Variants in IREB2 observed in about 807,000 individuals in gnomAD.
IREB2 encodes the protein iron-responsive element-binding protein 2.
IREB2 carries 39 observed loss-of-function variants against 118.8 expected under a neutral mutation model. The observed-to-expected ratio is 0.33, with a 90% confidence interval of 0.25 to 0.43. IREB2 has a LOEUF of 0.43. IREB2 is among the 20% of genes least tolerant of loss of function. IREB2 has a pLI of 1.00. For synonymous variants in IREB2, 372 were observed against 392.2 expected (o/e 0.95, Z 0.61); for missense variants, 900 against 1,147.3 (o/e 0.78, Z 3.11).
chr15:78,490,755 A>C lies in IREB2; in HGVS notation c.2318A>C (p.Asn773Thr). The C allele has an allele frequency of 6.2e-7, 1 of 1,614,050 alleles. No individual in the cohort carries two copies. The highest frequency in any genetic ancestry group is 8.5e-7 in the Non-Finnish European group (1 of 1,179,970). ...AGTGCTGCCGCTAAGTATTTGACAA[A>C]CAGAGGGTATGTGTACATGGCTTTA... Reference protein sequence around the residue: ...RNSAAAKYLTNRGLTPREFNS... With the variant: ...RNSAAAKYLTTRGLTPREFNS... Residue 773 changes from asparagine to threonine, a missense_variant, in exon 18 of 22, where the codon AAC becomes ACC. Transcript: ENST00000258886.
intron 3 of IREB2, among the ~76,000 whole-genome samples, chr15:78,463,887 T>C (rs2051238731): frequency 6.6e-6 from 1 of 152,184 alleles, no homozygotes; most frequent in Admixed American, 6.5e-5. Flanking sequence ...CTCACCTATT[T>C]CTTTCTAAGT....
intron 4 of IREB2, 150 bp from the exon 5 acceptor site, chr15:78,466,121 T>G (rs188962405): frequency 2.0e-6 from 1 of 498,288 alleles, no homozygotes; most frequent in East Asian, 3.1e-5. Flanking sequence ...AATCTGAGAT[T>G]TGCCTTTGAA....
At chr15:78,465,437 GA>G in intron 4 of IREB2, 49 bp downstream of exon 4, 1 of 1,517,008 alleles carries the variant, frequency 6.6e-7, no homozygotes, top group Non-Finnish European at 9.0e-7. Context: ...TAATTGGCTG[GA>G]AATGTGTCAT....
chr15:78,448,999 T>C (rs1343192693), intron 2 of IREB2, among the ~76,000 whole-genome samples: 1 of 152,236 alleles, frequency 6.6e-6, no homozygotes, highest in Non-Finnish European at 1.5e-5. Flanking sequence ...TTTACTTCAG[T>C]GTGCTGCTTC....
At chr15:78,466,629 C>A in intron 5 of IREB2, 140 bp downstream of exon 5, 1 of 621,002 alleles carries the variant, frequency 1.6e-6, no homozygotes. Flanking sequence ...TATGTATTTC[C>A]TGTTATACTA....
intron 20 of IREB2, among the ~76,000 whole-genome samples, chr15:78,495,509 G>A (rs372696896): frequency 4.7e-4 from 71 of 152,176 alleles, no homozygotes; most frequent in Non-Finnish European, 2.9e-4. Context: ...TTCATTAAGC[G>A]ATTCTATATG....
At chr15:78,482,658 A>G (rs1369151046) in intron 10 of IREB2, among the ~76,000 whole-genome samples, 1 of 152,160 alleles carries the variant, frequency 6.6e-6, no homozygotes, top group East Asian at 1.9e-4. Context: ...CTCAGAGGCA[A>G]TAAGTTGATA....
intron 20 of IREB2, among the ~76,000 whole-genome samples, chr15:78,495,749 G>T (rs1233376173): frequency 2.0e-5 from 3 of 152,060 alleles, no homozygotes; most frequent in African/African-American, 7.2e-5. Flanking sequence ...TCCTCAGGTG[G>T]TAAAAAAAAT....
At chr15:78,466,201 GTTT>G (rs955860886) in intron 4 of IREB2, 67 bp from the exon 5 acceptor site, 4 of 992,524 alleles carry the variant, frequency 4.0e-6, no homozygotes, top group Non-Finnish European at 6.0e-6. Context: ...GCTAATGTGC[GTTT>G]TTTTTTAAGA....
intron 2 of IREB2, among the ~76,000 whole-genome samples, 159 bp from the exon 3 acceptor site, chr15:78,462,763 C>T (rs1304509243): frequency 6.6e-6 from 1 of 151,952 alleles, no homozygotes. Flanking sequence ...GATGTTAACA[C>T]GAATGGTGTT....
chr15:78,450,715 C>CG (rs1235907926), intron 2 of IREB2, among the ~76,000 whole-genome samples: 1 of 152,096 alleles, frequency 6.6e-6, no homozygotes, highest in Non-Finnish European at 1.5e-5. Context: ...GCCTTCTTTA[C>CG]GGGGGTGCCT....
chr15:78,471,684 T>A, intron 6 of IREB2, 57 bp from the exon 7 acceptor site: 1 of 1,102,332 alleles, frequency 9.1e-7, no homozygotes, highest in Non-Finnish European at 1.3e-6. Flanking sequence ...ACACCTTGAT[T>A]GTGAGCACAA....
chr15:78,465,384 A>G lies in IREB2; in HGVS notation c.406A>G (p.Lys136Glu). ...VDHSLQIDFS[K>E]CAIQNAPNPG... The stretch of plus-strand genomic sequence containing the variant: ...CCATTCTTTACAAATTGACTTCAGT[A>G]AATGGTACTTCAATGCAGATATTTA... The change falls in exon 4 of 22, where the codon AAA becomes GAA. Residue 136 changes from lysine (K) to glutamate (E), a missense_variant. Physicochemically the swap from Lys to Glu is moderately conservative, Grantham distance 56. Transcript: ENST00000258886. 1.2e-6 allele frequency: 2 copies of G among 1,610,522 alleles called. No homozygotes were observed. The highest frequency in any genetic ancestry group is 1.7e-6 in the Non-Finnish European group (2 of 1,178,796).
At chr15:78,493,409 G>C (rs1021557755) in intron 18 of IREB2, among the ~76,000 whole-genome samples, 1 of 151,840 alleles carries the variant, frequency 6.6e-6, no homozygotes, top group African/African-American at 2.4e-5. Flanking sequence ...TCAGTGTTTG[G>C]TTGAAAAAAA....
At chr15:78,473,169 A>G in intron 7 of IREB2, 73 bp from the exon 8 acceptor site, 1 of 1,383,264 alleles carries the variant, frequency 7.2e-7, no homozygotes, top group East Asian at 2.3e-5. Flanking sequence ...TGAAACACCT[A>G]GAGATTCAGA....
chr15:78,456,831 CT>C (rs2141466451), intron 2 of IREB2, among the ~76,000 whole-genome samples: 1 of 152,308 alleles, frequency 6.6e-6, no homozygotes, highest in South Asian at 2.1e-4. Context: ...CCAGAGAATA[CT>C]ATTTTCAATT....
intron 2 of IREB2, among the ~76,000 whole-genome samples, chr15:78,442,971 C>T (rs1015374412): frequency 1.3e-5 from 2 of 152,150 alleles, no homozygotes; most frequent in South Asian, 2.1e-4. Context: ...AGTGGCCACT[C>T]TTAGCTTCAA....
chr15:78,466,005 G>A (rs994965636), intron 4 of IREB2, among the ~76,000 whole-genome samples: 1 of 152,130 alleles, frequency 6.6e-6, no homozygotes, highest in Non-Finnish European at 1.5e-5. Flanking sequence ...CTTGCTAAAA[G>A]TTATTTAAAT....
rs146854558 is a variant in IREB2, at chr15:78,476,143, T to G, written c.1024-45T>G. 1.6e-4 allele frequency: 230 copies of G among 1,432,474 alleles called. 1 individual carries two copies. In the African/African-American group the frequency reaches 1.9e-3, roughly 12 times the overall value. 88.7% of individuals were successfully genotyped at this position (1,432,474 alleles called of 1,614,324 possible). On this transcript the variant is annotated intron_variant, in intron 8 of 21. Transcript: ENST00000258886. ...AGTTTTCAGACAATCGTTGCTAATC[T>G]TATCTTTGCAATTTTGTATGTGTTT...
Sources: gnomAD v4.1 joint callset for allele counts (sites outside exome capture counted in the v4.1 genomes callset) on GRCh38, gnomAD v4.1.1 for gene constraint, MANE v1.5 for transcripts, NCBI Gene and HGNC (gene_info 2026-07-23, HGNC 2026-07-21) for gene names.